The following SH3PXD2B variants were observed in gnomAD, a reference collection of about 807,000 sequenced individuals.
SH3PXD2B encodes the protein SH3 and PX domain-containing protein 2B.
A neutral mutation model predicts 73.1 loss-of-function variants in SH3PXD2B; 37 were observed. The observed-to-expected ratio is 0.51, with a 90% confidence interval of 0.39 to 0.67. The LOEUF (loss-of-function observed/expected upper bound fraction) is 0.67. Among genes scored for constraint, SH3PXD2B ranks in the 30% least tolerant of loss-of-function variants. The probability of loss-of-function intolerance (pLI) is 0.00; values close to 1 mark genes in which losing one functional copy is unlikely to be tolerated. For missense variants in SH3PXD2B, 1,053 were observed against 1,197.8 expected, an observed-to-expected ratio of 0.88 and a Z score of 1.78; for synonymous variants, 457 against 480.5, an observed-to-expected ratio of 0.95 and a Z score of 0.64.
At position 172,333,778 on chromosome 5, in the gene SH3PXD2B, A is replaced by G; in HGVS notation, c.*4591T>C. 1.6e-6 allele frequency: 2 copies of G among 1,288,922 alleles called. No homozygotes were observed. Among genetic ancestry groups the G allele is most frequent in the South Asian group, 2.5e-5 (2 of 80,840 alleles). The allele number at this position is 1,288,922 out of a possible 1,614,324, so 79.8% of individuals were successfully genotyped here. A position where few individuals can be genotyped will look rare whatever the true frequency, so the allele number is the denominator to read the frequency against. ...GGCAGTGCCCACTGTTCCTGGAGGG[A>G]GGTAAGAAATGGCCTGTTACTTGGA... On this transcript the variant is annotated 3_prime_UTR_variant, in exon 13 of 13. Coordinates refer to ENST00000311601, the MANE Select transcript of SH3PXD2B (RefSeq NM_001017995.3).
intron 6 of SH3PXD2B, among the ~76,000 whole-genome samples, chr5:172,368,122 T>G (rs2569238): frequency 0.46 from 69,372 of 151,794 alleles, 17,199 homozygotes; most frequent in East Asian, 0.65. Context: ...CAGGGAATTT[T>G]GCATTTGCTG....
chr5:172,330,657 T>G (rs1756536543), downstream of SH3PXD2B, among the ~76,000 whole-genome samples: 1 of 152,242 alleles, frequency 6.6e-6, no homozygotes, highest in African/African-American at 2.4e-5. Context: ...TATCGACATT[T>G]GTTCTGAAAA....
chr5:172,369,092 G>A (rs1049695148), intron 6 of SH3PXD2B, among the ~76,000 whole-genome samples: 8 of 150,314 alleles, frequency 5.3e-5, no homozygotes, highest in East Asian at 2.0e-4. Context: ...ACAGGGTTTC[G>A]CCATGCTTGC....
Position 172,335,713 on chromosome 5 carries a change from C to G in SH3PXD2B, c.*2656G>C, listed in dbSNP as rs1756673534. The G allele has an allele frequency of 2.4e-6, 3 of 1,231,676 alleles. No homozygotes were observed. The highest frequency in any genetic ancestry group is 3.0e-6 in the Non-Finnish European group (3 of 987,970). 76.3% of individuals were successfully genotyped at this position (1,231,676 alleles called of 1,614,324 possible). A position where few individuals can be genotyped will look rare whatever the true frequency, so the allele number is the denominator to read the frequency against. The stretch of plus-strand genomic sequence containing the variant: ...TCGCTCACAGAATAGCGACCACAGT[C>G]CTGGATGGGGTAAATCTAAGTCCCC... On this transcript the variant is annotated 3_prime_UTR_variant, in exon 13 of 13. Transcript: ENST00000311601.
rs75320142 is a variant in SH3PXD2B, at chr5:172,418,821, T to C, written c.156+3595A>G. ...CCTGTCACGGCAACCCCCCAGTTAT[T>C]ACCGATTATGCTGAGCATGGAGGAA... On this transcript the variant is annotated intron_variant, in intron 2 of 12. Coordinates refer to ENST00000311601, the MANE Select transcript of SH3PXD2B (RefSeq NM_001017995.3). 7.9e-3 allele frequency among the ~76,000 whole-genome samples: 1,204 copies of C among 152,292 alleles called. 22 individuals carry two copies. The highest frequency in any genetic ancestry group is 0.028 in the African/African-American group (1,144 of 41,548).
At chr5:172,332,934 ATGTTTTT>A (rs1756590058), downstream of SH3PXD2B, among the ~76,000 whole-genome samples, 2 of 139,132 alleles carry the variant, frequency 1.4e-5, no homozygotes, top group East Asian at 2.1e-4. Context: ...CCACCGCACA[ATGTTTTT>A]TTTTTTTTTT....
rs986372569 is a variant in SH3PXD2B at position 172,337,899 on chromosome 5, G to T, written c.*470C>A. 6 of 1,015,756 alleles carry T rather than the reference G, an allele frequency of 5.9e-6. No homozygotes were observed. In the African/African-American group the frequency reaches 1.0e-4, roughly 18 times the overall value. The allele number at this position is 1,015,756 out of a possible 1,614,324, so 62.9% of individuals were successfully genotyped here. ...TCTGGTAGCAGGCAATTTAGGAGGA[G>T]TGAATAAAGCCACTGGGCTTTTAGA... On this transcript the variant is annotated 3_prime_UTR_variant, in exon 13 of 13. Coordinates refer to ENST00000311601, the MANE Select transcript of SH3PXD2B (RefSeq NM_001017995.3).
chr5:172,355,730 G>T (rs1002955494), intron 8 of SH3PXD2B, among the ~76,000 whole-genome samples: 2 of 152,124 alleles, frequency 1.3e-5, no homozygotes, highest in Non-Finnish European at 2.9e-5. Context: ...ATTTTTAGTA[G>T]AGACGGGGTT....
rs1757582758 is a variant in SH3PXD2B, at chr5:172,368,483, A to AAATATATATATATTATATATATATATAT, written c.427+5279_427+5306dup. ...TATATATATATTATATATATATATA[A>AAATATATATATATTATATATATATATAT]AATATATATATATTATATATATATA... On this transcript the variant is annotated intron_variant, in intron 6 of 12. Coordinates refer to ENST00000311601, the MANE Select transcript of SH3PXD2B (RefSeq NM_001017995.3). 2.4e-4 allele frequency among the ~76,000 whole-genome samples: 3 copies of AAATATATATATATTATATATATATATAT among 12,342 alleles called. 1 individual carries two copies. The highest frequency in any genetic ancestry group is 2.4e-4 in the Non-Finnish European group (2 of 8,342). The allele number at this position is 12,342 out of a possible 152,430, so 8.1% of individuals were successfully genotyped here.
intron 6 of SH3PXD2B, among the ~76,000 whole-genome samples, chr5:172,366,867 G>A (rs563507749): frequency 5.1e-4 from 77 of 150,422 alleles, no homozygotes; most frequent in African/African-American, 1.7e-3. Context: ...CTCCTGACCT[G>A]GAGATCTGCC....
chr5:172,367,990 T>G (rs563862605), intron 6 of SH3PXD2B, among the ~76,000 whole-genome samples: 1 of 152,318 alleles, frequency 6.6e-6, no homozygotes, highest in East Asian at 1.9e-4. Flanking sequence ...ATTGTTTAAG[T>G]CACAATTATT....
intron 8 of SH3PXD2B, chr5:172,356,660 C>T (rs902102540): frequency 2.0e-5 from 3 of 152,266 alleles, no homozygotes; most frequent in Non-Finnish European, 4.4e-5. Flanking sequence ...GTCCAAACAC[C>T]AAACGGGGAA....
At position 172,335,878 on chromosome 5, in the gene SH3PXD2B, G is replaced by T; in HGVS notation, c.*2491C>A. 4.1e-6 allele frequency: 5 copies of T among 1,222,434 alleles called. No homozygotes were observed. Among genetic ancestry groups the T allele is most frequent in the East Asian group, 3.2e-5 (1 of 30,972 alleles). 75.7% of individuals were successfully genotyped at this position (1,222,434 alleles called of 1,614,324 possible). A position where few individuals can be genotyped will look rare whatever the true frequency, so the allele number is the denominator to read the frequency against. On this transcript the variant is annotated 3_prime_UTR_variant, in exon 13 of 13. Transcript: ENST00000311601. The stretch of plus-strand genomic sequence containing the variant: ...ACTCAAGGAGAGAACAGTGAACAGA[G>T]AGGACTGTGGCTTCAGTACCCGCGG...
chr5:172,381,880 T>A (rs1396074670), intron 5 of SH3PXD2B, among the ~76,000 whole-genome samples, 156 bp downstream of exon 5: 3 of 152,122 alleles, frequency 2.0e-5, no homozygotes. Flanking sequence ...CGCTACCCAC[T>A]TACAGCAACT....
chr5:172,359,021 C>T (rs1262320253), intron 7 of SH3PXD2B, 144 bp from the exon 8 acceptor site: 4 of 793,696 alleles, frequency 5.0e-6, no homozygotes, highest in South Asian at 4.4e-5. Context: ...ACACAACTAC[C>T]AATGTTACCT....
At chr5:172,397,176 T>C (rs1395385718) in intron 3 of SH3PXD2B, among the ~76,000 whole-genome samples, 1 of 152,090 alleles carries the variant, frequency 6.6e-6, no homozygotes, top group Admixed American at 6.6e-5. Context: ...ACGTCTGTCT[T>C]TTATGGTTGC....
chr5:172,403,485 G>A (rs1000589288), intron 3 of SH3PXD2B, among the ~76,000 whole-genome samples: 4 of 129,252 alleles, frequency 3.1e-5, no homozygotes, highest in East Asian at 3.5e-4. Context: ...GGGGCCCAGC[G>A]GGGTCCTGGG....
intron 1 of SH3PXD2B, among the ~76,000 whole-genome samples, chr5:172,440,303 C>A (rs1205234419): frequency 6.6e-6 from 1 of 152,230 alleles, no homozygotes; most frequent in Admixed American, 6.5e-5. Context: ...TACACAATCA[C>A]CCGCCTGGGT....
At position 172,336,738 on chromosome 5, in the gene SH3PXD2B, G is replaced by C; in HGVS notation, c.*1631C>G. On this transcript the variant is annotated 3_prime_UTR_variant, in exon 13 of 13. Coordinates refer to ENST00000311601, the MANE Select transcript of SH3PXD2B (RefSeq NM_001017995.3). ...GGCAGGGCAGGGCTGCCTCGGTCGG[G>C]TAGAATGGGAAGGGGTTCTGCTCTG... 1 of 985,738 alleles carries C rather than the reference G, an allele frequency of 1.0e-6. No homozygotes were observed. The highest frequency in any genetic ancestry group is 1.2e-6 in the Non-Finnish European group (1 of 830,246). The allele number at this position is 985,738 out of a possible 1,614,324, so 61.1% of individuals were successfully genotyped here.
Sources: allele counts gnomAD v4.1 joint callset (sites outside exome capture counted in the v4.1 genomes callset), GRCh38; gene constraint gnomAD v4.1.1; transcripts MANE v1.5; gene names NCBI Gene and HGNC (gene_info 2026-07-23, HGNC 2026-07-21).